NELL1: variants seen among roughly 807,000 people sequenced by gnomAD.
NELL1 encodes neural EGFL like 1.
A neutral mutation model predicts 107.4 loss-of-function variants in NELL1; 76 were observed. The ratio of observed to expected loss-of-function variants is 0.71; its 90% CI spans 0.59 to 0.86. The LOEUF (loss-of-function observed/expected upper bound fraction) is 0.86, where lower values mean the gene tolerates loss of function less well. Among genes scored for constraint, NELL1 ranks in the 40% least tolerant of loss-of-function variants. The pLI, the probability that NELL1 is intolerant of heterozygous loss-of-function variation, is 0.00. For synonymous variants in NELL1, 353 were observed against 341.2 expected, an observed-to-expected ratio of 1.03 and a Z score of -0.38; for missense variants, 1,024 against 1,005.5, an observed-to-expected ratio of 1.02 and a Z score of -0.25.
chr11:21,415,591 C>T (rs988808752), intron 15 of NELL1, among the ~76,000 whole-genome samples: 4 of 151,700 alleles, frequency 2.6e-5, no homozygotes, highest in Non-Finnish European at 4.4e-5. Flanking sequence ...CCTATTTTTT[C>T]TATTTTTACA....
At chr11:20,917,830 C>G (rs563201029) in intron 5 of NELL1, among the ~76,000 whole-genome samples, 2 of 152,034 alleles carry the variant, frequency 1.3e-5, no homozygotes, top group South Asian at 4.1e-4. Flanking sequence ...TTTCTTCCCA[C>G]TTTAAAAAAA....
chr11:21,176,251 A>G (rs1173084382), intron 13 of NELL1, among the ~76,000 whole-genome samples: 1 of 151,906 alleles, frequency 6.6e-6, no homozygotes, highest in Non-Finnish European at 1.5e-5. Flanking sequence ...TCAAAATACC[A>G]AGAACCTCAC....
chr11:21,043,188 C>T (rs1853277551), intron 12 of NELL1, among the ~76,000 whole-genome samples: 1 of 152,124 alleles, frequency 6.6e-6, no homozygotes, highest in African/African-American at 2.4e-5. Context: ...TATTCATTCA[C>T]CAACTTTAAA....
intron 16 of NELL1, among the ~76,000 whole-genome samples, chr11:21,556,285 T>G (rs535648435): frequency 6.6e-6 from 1 of 151,988 alleles, no homozygotes; most frequent in Admixed American, 6.6e-5. Flanking sequence ...CATCACCTGT[T>G]TTGAGTTTGA....
intron 3 of NELL1, among the ~76,000 whole-genome samples, chr11:20,835,600 C>G (rs1356399310): frequency 6.6e-6 from 1 of 152,124 alleles, no homozygotes; most frequent in Non-Finnish European, 1.5e-5. Flanking sequence ...GAATACTCTG[C>G]TACCATTTGT....
chr11:21,437,586 C>T (rs866908428), intron 15 of NELL1, among the ~76,000 whole-genome samples: 18 of 152,124 alleles, frequency 1.2e-4, no homozygotes, highest in Non-Finnish European at 1.9e-4. Flanking sequence ...CTCGAACTCC[C>T]GACCTCAATT....
chr11:20,929,451 A>G (rs897672377), intron 9 of NELL1, among the ~76,000 whole-genome samples: 4 of 134,238 alleles, frequency 3.0e-5, no homozygotes, highest in Non-Finnish European at 6.4e-5. Flanking sequence ...TTTTTTTTTT[A>G]TGGTTGGCAC....
chr11:20,915,502 C>G (rs1201849654), intron 5 of NELL1, among the ~76,000 whole-genome samples: 6 of 146,750 alleles, frequency 4.1e-5, no homozygotes, highest in Non-Finnish European at 7.4e-5. Context: ...TGAAATAAAG[C>G]ATATGTCTGA....
intron 14 of NELL1, among the ~76,000 whole-genome samples, chr11:21,350,524 A>G (rs1484591069): frequency 2.6e-5 from 4 of 152,206 alleles, no homozygotes; most frequent in Non-Finnish European, 5.9e-5. Context: ...AAGCCAAAGC[A>G]TTTATAAAAG....
At chr11:21,050,714 C>CAT (rs35232844) in intron 12 of NELL1, among the ~76,000 whole-genome samples, 58,287 of 151,802 alleles carry the variant, frequency 0.38, 14,107 homozygotes, top group African/African-American at 0.68. Flanking sequence ...AGGGTCACCT[C>CAT]AGCCTCCTAA....
Position 21,177,294 on chromosome 11 carries a change from C to T in NELL1, c.1427-52038C>T, listed in dbSNP as rs992012975. 5.3e-5 allele frequency among the ~76,000 whole-genome samples: 8 copies of T among 151,814 alleles called. 1 individual carries two copies. Among genetic ancestry groups the T allele is most frequent in the African/African-American group, 1.7e-4 (7 of 41,162 alleles). On this transcript the variant is annotated intron_variant, in intron 13 of 19. Coordinates refer to ENST00000357134, the MANE Select transcript of NELL1 (RefSeq NM_006157.5). ...GCCATCTTTCAGCCCCTGGTAACCA[C>T]CGTTTTACTCCCTACATCTATGAGT...
In NELL1 at chr11:21,074,346, A is replaced by G. The variant is rs72948171; in HGVS notation, c.1301-39243A>G. On this transcript the variant is annotated intron_variant, in intron 12 of 19. Coordinates refer to ENST00000357134, the MANE Select transcript of NELL1 (RefSeq NM_006157.5). ...ATGCTGTGGTACCCAGCTGATAATC[A>G]GCAGAATCATCTAGGTGGTATTTGT... Among the ~76,000 whole-genome samples, 736 of 152,334 alleles carry G rather than the reference A, an allele frequency of 4.8e-3. 4 individuals are homozygous for G. The highest frequency in any genetic ancestry group is 7.5e-3 in the Non-Finnish European group (508 of 68,028).
intron 2 of NELL1, among the ~76,000 whole-genome samples, chr11:20,760,921 G>A (rs565900564): frequency 2.6e-5 from 4 of 152,212 alleles, no homozygotes; most frequent in South Asian, 4.2e-4. Flanking sequence ...AGGAAAACTC[G>A]GCCCAACATC....
chr11:21,122,809 A>T (rs1162920329), intron 13 of NELL1, among the ~76,000 whole-genome samples: 3 of 151,276 alleles, frequency 2.0e-5, no homozygotes, highest in African/African-American at 7.3e-5. Flanking sequence ...TGAAAGAATT[A>T]AAAAAAAACA....
At chr11:20,847,897 C>A in intron 4 of NELL1, 144 bp downstream of exon 4, 1 of 790,738 alleles carries the variant, frequency 1.3e-6, no homozygotes, top group Non-Finnish European at 2.0e-6. Flanking sequence ...CAAATGGGAC[C>A]TTAGGCATGC....
chr11:21,488,346 T>C (rs533386161), intron 15 of NELL1, among the ~76,000 whole-genome samples: 1 of 152,256 alleles, frequency 6.6e-6, no homozygotes, highest in South Asian at 2.1e-4. Context: ...CTTGCTTTCA[T>C]AGGAGAAGGC....
At chr11:21,041,192 A>G (rs1217128172) in intron 12 of NELL1, among the ~76,000 whole-genome samples, 1 of 152,170 alleles carries the variant, frequency 6.6e-6, no homozygotes, top group Non-Finnish European at 1.5e-5. Flanking sequence ...TCCAAGCCGC[A>G]CTATCATGTA....
At chr11:20,947,302 A>G (rs780150233) in intron 10 of NELL1, 34 bp from the exon 11 acceptor site, 1 of 1,436,876 alleles carries the variant, frequency 7.0e-7, no homozygotes. Context: ...AAAAATGTGA[A>G]CATCTTTTTC....
chr11:21,536,782 G>A (rs1856150447), intron 16 of NELL1, among the ~76,000 whole-genome samples: 1 of 152,160 alleles, frequency 6.6e-6, no homozygotes, highest in Non-Finnish European at 1.5e-5. Flanking sequence ...TTGAGGATCA[G>A]ACCTAGGTCA....
Sources: gnomAD v4.1 joint callset for allele counts (sites outside exome capture counted in the v4.1 genomes callset) on GRCh38, gnomAD v4.1.1 for gene constraint, MANE v1.5 for transcripts, NCBI Gene and HGNC (gene_info 2026-07-23, HGNC 2026-07-21) for gene names.